Variants in PPM1E observed in about 807,000 individuals in gnomAD.
The protein encoded by PPM1E is protein phosphatase, Mg2+/Mn2+ dependent 1E, also known as protein phosphatase 1E.
In PPM1E, 20 loss-of-function variants were observed where a neutral mutation model predicts 65.9. That is an observed-to-expected ratio of 0.30 (90% CI 0.21 to 0.44). PPM1E has a LOEUF of 0.44. Ranked by LOEUF, PPM1E falls within the 20% of genes least tolerant of loss-of-function variation. PPM1E has a pLI of 1.00. For missense variants in PPM1E, 713 were observed against 953.1 expected, an observed-to-expected ratio of 0.75 and a Z score of 3.32; for synonymous variants, 352 against 374.9, an observed-to-expected ratio of 0.94 and a Z score of 0.70.
At position 58,974,145 on chromosome 17, in the gene PPM1E, AT is replaced by A. The variant is rs796731401; in HGVS notation, c.1210+1221del. Among the ~76,000 whole-genome samples, 18 of 152,122 alleles carry A rather than the reference AT, an allele frequency of 1.2e-4. No individual in the cohort carries two copies. In the East Asian group the frequency reaches 3.5e-3, roughly 29 times the overall value. On this transcript the variant is annotated intron_variant, in intron 6 of 6. Coordinates refer to ENST00000308249, the MANE Select transcript of PPM1E (RefSeq NM_014906.5). ...TCCTGTCTTAAAACAAAAACAAAAA[AT>A]CATAGTGTTTCTCATTTCATTGCAT...
chr17:58,828,164 A>G (rs1286037186), intron 1 of PPM1E, among the ~76,000 whole-genome samples: 1 of 151,350 alleles, frequency 6.6e-6, no homozygotes, highest in Non-Finnish European at 1.5e-5. Context: ...GATTGCAGTG[A>G]GCTGAGATCA....
intron 1 of PPM1E, among the ~76,000 whole-genome samples, chr17:58,799,397 G>A (rs969413716): frequency 6.0e-5 from 9 of 149,184 alleles, no homozygotes; most frequent in Non-Finnish European, 1.2e-4. Context: ...CTCTCACCTC[G>A]GTCCCCCCTG....
At chr17:58,933,764 C>G (rs894684880) in intron 1 of PPM1E, among the ~76,000 whole-genome samples, 3 of 149,304 alleles carry the variant, frequency 2.0e-5, no homozygotes, top group African/African-American at 7.4e-5. Flanking sequence ...CCATTGCACT[C>G]CAGCCTGGAA....
intron 1 of PPM1E, among the ~76,000 whole-genome samples, chr17:58,883,525 C>T (rs1292903827): frequency 6.8e-6 from 1 of 146,258 alleles, no homozygotes; most frequent in Non-Finnish European, 1.5e-5. Flanking sequence ...GCTCTGTCGC[C>T]CAGGCTGGAG....
intron 2 of PPM1E, among the ~76,000 whole-genome samples, chr17:58,958,748 G>A (rs2029929500): frequency 6.6e-6 from 1 of 151,778 alleles, no homozygotes; most frequent in African/African-American, 2.4e-5. Flanking sequence ...CAAATGCAAA[G>A]GCAGATAATT....
At chr17:58,928,253 G>A (rs922900056) in intron 1 of PPM1E, among the ~76,000 whole-genome samples, 5 of 151,872 alleles carry the variant, frequency 3.3e-5, no homozygotes, top group Non-Finnish European at 5.9e-5. Flanking sequence ...AAGAAGATTC[G>A]CTTTATCTGG....
At chr17:58,925,683 G>A (rs1394524011) in intron 1 of PPM1E, among the ~76,000 whole-genome samples, 1 of 151,704 alleles carries the variant, frequency 6.6e-6, no homozygotes, top group African/African-American at 2.4e-5. Context: ...CTCATGATCC[G>A]CCTGCCTCAG....
At chr17:58,972,751 TA>T in intron 5 of PPM1E, 80 bp from the exon 6 acceptor site, 1 of 1,248,544 alleles carries the variant, frequency 8.0e-7, no homozygotes, top group Non-Finnish European at 1.2e-6. Context: ...TGATGAGTAT[TA>T]TATCTGTTGT....
chr17:58,886,675 C>T (rs2051268826), intron 1 of PPM1E, among the ~76,000 whole-genome samples: 1 of 152,200 alleles, frequency 6.6e-6, no homozygotes, highest in Admixed American at 6.5e-5. Flanking sequence ...CCATTTGGTA[C>T]ACTCTGAACA....
At chr17:58,957,319 A>G (rs1244063574) in intron 2 of PPM1E, among the ~76,000 whole-genome samples, 2 of 152,206 alleles carry the variant, frequency 1.3e-5, no homozygotes, top group Admixed American at 1.3e-4. Flanking sequence ...AGAATACTTA[A>G]TCTAGAAAGA....
intron 6 of PPM1E, among the ~76,000 whole-genome samples, chr17:58,977,935 G>T (rs994878687): frequency 6.6e-6 from 1 of 152,148 alleles, no homozygotes; most frequent in Non-Finnish European, 1.5e-5. Context: ...TAGAGACAAG[G>T]TTTCACCATG....
chr17:58,863,053 T>C (rs980163699), intron 1 of PPM1E, among the ~76,000 whole-genome samples: 9 of 152,256 alleles, frequency 5.9e-5, no homozygotes, highest in African/African-American at 2.2e-4. Context: ...TTGTGGAATG[T>C]CTGACTTTGA....
intron 1 of PPM1E, among the ~76,000 whole-genome samples, chr17:58,934,698 G>A (rs530625290): frequency 1.9e-4 from 29 of 152,234 alleles, no homozygotes; most frequent in Middle Eastern, 3.4e-3. Context: ...TGGCCAAGGC[G>A]GGTGGATCGC....
intron 1 of PPM1E, among the ~76,000 whole-genome samples, chr17:58,845,219 G>A (rs935620591): frequency 6.6e-6 from 1 of 151,708 alleles, no homozygotes; most frequent in Non-Finnish European, 1.5e-5. Flanking sequence ...AAGGAACCAG[G>A]GGTAACATAT....
intron 1 of PPM1E, among the ~76,000 whole-genome samples, chr17:58,781,045 A>G (rs540445347): frequency 6.6e-6 from 1 of 152,186 alleles, no homozygotes; most frequent in African/African-American, 2.4e-5. Context: ...TGGTAAATAT[A>G]GTTGGCTAAG....
intron 1 of PPM1E, among the ~76,000 whole-genome samples, chr17:58,900,280 T>G (rs1195771910): frequency 1.3e-5 from 2 of 152,188 alleles, no homozygotes; most frequent in Non-Finnish European, 2.9e-5. Flanking sequence ...AGAAATCTTT[T>G]GTGAAAGGAA....
intron 1 of PPM1E, among the ~76,000 whole-genome samples, chr17:58,887,281 C>T (rs1312933742): frequency 6.6e-6 from 1 of 151,142 alleles, no homozygotes; most frequent in Non-Finnish European, 1.5e-5. Flanking sequence ...TCTCCTGCCT[C>T]AGCCTCCTGA....
chr17:58,947,770 C>T (rs2052181891), intron 1 of PPM1E, among the ~76,000 whole-genome samples: 2 of 152,126 alleles, frequency 1.3e-5, no homozygotes, highest in Non-Finnish European at 2.9e-5. Context: ...ATTTATTATG[C>T]TCACAATGTC....
At chr17:58,887,782 T>A (rs897521119) in intron 1 of PPM1E, among the ~76,000 whole-genome samples, 1 of 152,134 alleles carries the variant, frequency 6.6e-6, no homozygotes, top group African/African-American at 2.4e-5. Flanking sequence ...ATGATCTGAT[T>A]TGCATTTTTA....
Sources: allele counts gnomAD v4.1 joint callset (sites outside exome capture counted in the v4.1 genomes callset), GRCh38; gene constraint gnomAD v4.1.1; transcripts MANE v1.5; gene names NCBI Gene and HGNC (gene_info 2026-07-23, HGNC 2026-07-21).